The following WDPCP variants were observed in gnomAD, a reference collection of about 807,000 sequenced individuals.
The protein encoded by WDPCP is WD repeat containing planar cell polarity effector.
Under a neutral mutation model 93.1 loss-of-function variants are expected in WDPCP, and 71 were observed. The ratio of observed to expected loss-of-function variants is 0.76; its 90% CI spans 0.63 to 0.93. The LOEUF (loss-of-function observed/expected upper bound fraction) is 0.93. WDPCP is among the 40% of genes least tolerant of loss of function. The probability of loss-of-function intolerance (pLI) is 0.00; values close to 1 mark genes in which losing one functional copy is unlikely to be tolerated. For synonymous variants in WDPCP, 315 were observed against 315.0 expected (o/e 1.00, Z 0.00); for missense variants, 844 against 887.4 (o/e 0.95, Z 0.62).
intron 9 of WDPCP, among the ~76,000 whole-genome samples, chr2:63,407,971 C>T (rs1257745178): frequency 2.6e-5 from 4 of 152,138 alleles, no homozygotes; most frequent in African/African-American, 4.8e-5. Context: ...GAACAAGTTA[C>T]GTTCATGATC....
At chr2:63,805,565 G>A (rs1199408129) in intron 2 of WDPCP, among the ~76,000 whole-genome samples, 1 of 152,048 alleles carries the variant, frequency 6.6e-6, no homozygotes. Context: ...CAGATTAATG[G>A]CTGTCAGCCA....
At chr2:63,366,269 T>C (rs149105381) in intron 12 of WDPCP, among the ~76,000 whole-genome samples, 2 of 151,788 alleles carry the variant, frequency 1.3e-5, no homozygotes, top group Non-Finnish European at 2.9e-5. Flanking sequence ...TCTTAGCTAA[T>C]AACAATGATT....
intron 10 of WDPCP, among the ~76,000 whole-genome samples, chr2:63,403,189 G>C (rs374404097): frequency 1.3e-5 from 2 of 152,028 alleles, no homozygotes; most frequent in African/African-American, 4.8e-5. Context: ...ACCAAATACC[G>C]CATGTTCTCA....
chr2:63,563,087 C>G (rs1215023520), intron 1 of WDPCP, among the ~76,000 whole-genome samples: 1 of 152,144 alleles, frequency 6.6e-6, no homozygotes, highest in South Asian at 2.1e-4. Context: ...ATACAGCCCA[C>G]TGCTGGTGCA....
intron 1 of WDPCP, among the ~76,000 whole-genome samples, 154 bp downstream of exon 1, chr2:63,588,043 T>A (rs1247611845): frequency 6.6e-6 from 1 of 152,234 alleles, no homozygotes; most frequent in Non-Finnish European, 1.5e-5. Flanking sequence ...CCAAAATAGC[T>A]GCATTCCCAC....
chr2:63,764,997 T>A (rs558637857), intron 2 of WDPCP, among the ~76,000 whole-genome samples: 3 of 152,320 alleles, frequency 2.0e-5, no homozygotes, highest in African/African-American at 7.2e-5. Context: ...GCTTTTCCAC[T>A]CAACAAAGAT....
intron 1 of WDPCP, chr2:63,564,130 C>T (rs1050086065): frequency 2.0e-4 from 30 of 152,118 alleles, no homozygotes; most frequent in Admixed American, 3.3e-4. Context: ...GTACATAAAA[C>T]GAAGTACTTT....
chr2:63,403,073 T>C (rs758560765), intron 10 of WDPCP, among the ~76,000 whole-genome samples: 1 of 152,048 alleles, frequency 6.6e-6, no homozygotes, highest in African/African-American at 2.4e-5. Flanking sequence ...TGTGGTACAC[T>C]GTGGAATATT....
intron 10 of WDPCP, among the ~76,000 whole-genome samples, chr2:63,390,317 A>T (rs1693125421): frequency 6.6e-6 from 1 of 152,232 alleles, no homozygotes; most frequent in African/African-American, 2.4e-5. Context: ...AAATAATGAA[A>T]TTAAGGCAGA....
chr2:63,622,066 CTTTTTTTTT>C (rs33925505), intron 3 of WDPCP: 179 of 529,120 alleles, frequency 3.4e-4, no homozygotes, highest in African/African-American at 2.3e-3. Context: ...TTTCTTTTTT[CTTTTTTTTT>C]TTTTTTTTTG....
chr2:63,360,129 T>C (rs1413391549), intron 12 of WDPCP: 1 of 152,212 alleles, frequency 6.6e-6, no homozygotes, highest in East Asian at 1.9e-4. Flanking sequence ...AGAGTCAGAC[T>C]AGCAGCTTTA....
At chr2:63,298,810 G>A (rs965642076) in intron 13 of WDPCP, among the ~76,000 whole-genome samples, 1 of 152,178 alleles carries the variant, frequency 6.6e-6, no homozygotes, top group Admixed American at 6.5e-5. Context: ...TCAGTATTGT[G>A]TGGAAAGGGC....
chr2:63,132,034 A>G (rs1483468996), intron 17 of WDPCP, among the ~76,000 whole-genome samples: 2 of 151,452 alleles, frequency 1.3e-5, no homozygotes, highest in Non-Finnish European at 3.0e-5. Context: ...TGGGGTTTCA[A>G]CATGTTGGCC....
At chr2:63,230,984 C>T (rs949350164) in intron 14 of WDPCP, among the ~76,000 whole-genome samples, 8 of 151,936 alleles carry the variant, frequency 5.3e-5, no homozygotes, top group African/African-American at 9.7e-5. Flanking sequence ...TTGCTTTTGG[C>T]GTTTTAATCC....
At chr2:63,685,474 C>T (rs1222622018) in intron 2 of WDPCP, among the ~76,000 whole-genome samples, 4 of 121,784 alleles carry the variant, frequency 3.3e-5, no homozygotes, top group African/African-American at 1.2e-4. Flanking sequence ...AGTCTCCCAG[C>T]GAAGAAAAGC....
At chr2:63,598,799 C>T (rs900306257) in intron 3 of WDPCP, among the ~76,000 whole-genome samples, 7 of 151,796 alleles carry the variant, frequency 4.6e-5, no homozygotes, top group African/African-American at 1.7e-4. Flanking sequence ...AGTAATTCCA[C>T]TTCTTCAAAG....
At chr2:63,688,040 T>C (rs995613297) in intron 2 of WDPCP, among the ~76,000 whole-genome samples, 5 of 152,150 alleles carry the variant, frequency 3.3e-5, no homozygotes, top group African/African-American at 1.2e-4. Flanking sequence ...TGCAACAACA[T>C]GGATGGAACT....
At chr2:63,370,399 C>A (rs1691282287) in intron 12 of WDPCP, among the ~76,000 whole-genome samples, 1 of 152,132 alleles carries the variant, frequency 6.6e-6, no homozygotes, top group Non-Finnish European at 1.5e-5. Flanking sequence ...TGTGTGCAGA[C>A]CACTCTAGGC....
intron 1 of WDPCP, among the ~76,000 whole-genome samples, chr2:63,528,425 T>C (rs954522558): frequency 3.9e-5 from 6 of 152,230 alleles, no homozygotes; most frequent in African/African-American, 1.4e-4. Context: ...AGTTTCAGCT[T>C]TCTACATATG....
Sources: allele counts gnomAD v4.1 joint callset (sites outside exome capture counted in the v4.1 genomes callset), GRCh38; gene constraint gnomAD v4.1.1; transcripts MANE v1.5; gene names NCBI Gene and HGNC (gene_info 2026-07-23, HGNC 2026-07-21).